LSP1: variants seen among roughly 807,000 people sequenced by gnomAD.
LSP1 encodes the protein lymphocyte-specific protein 1.
A neutral mutation model predicts 49.3 loss-of-function variants in LSP1; 32 were observed. That is an observed-to-expected ratio of 0.65 (90% CI 0.49 to 0.87). LSP1 has a LOEUF of 0.87. Ranked by LOEUF, LSP1 falls within the 40% of genes least tolerant of loss-of-function variation. LSP1 has a pLI of 0.00. For synonymous variants in LSP1, 179 were observed against 178.8 expected, an observed-to-expected ratio of 1.00 and a Z score of -0.01; for missense variants, 428 against 442.6, an observed-to-expected ratio of 0.97 and a Z score of 0.30.
chr11:1,877,682 C>T (rs911741616), intron 1 of LSP1, among the ~76,000 whole-genome samples: 1 of 152,234 alleles, frequency 6.6e-6, no homozygotes, highest in African/African-American at 2.4e-5. Flanking sequence ...TGCACACGCA[C>T]GTGGATGTCA....
rs960559296 is a variant in LSP1, at chr11:1,876,395, T to A, written c.54-3692T>A. 1.6e-5 allele frequency: 15 copies of A among 947,354 alleles called. No homozygotes were observed. In the African/African-American group the frequency reaches 2.7e-4, roughly 17 times the overall value. 58.7% of individuals were successfully genotyped at this position (947,354 alleles called of 1,614,324 possible). ...CAGGCCTCCTGCCAGCTCCCTGTGG[T>A]GTCCAAGGGACCTGTGGTCAGGCCT... On this transcript the variant is annotated intron_variant, in intron 1 of 10. Coordinates refer to ENST00000311604, the MANE Select transcript of LSP1 (RefSeq NM_002339.3).
At chr11:1,883,674 C>A in intron 4 of LSP1, 114 bp downstream of exon 4, 2 of 1,320,692 alleles carry the variant, frequency 1.5e-6, no homozygotes, top group African/African-American at 1.5e-5. Flanking sequence ...TGGGTCAGCA[C>A]CCCACACCCC....
chr11:1,868,673 G>T, intron 1 of LSP1: 1 of 985,806 alleles, frequency 1.0e-6, no homozygotes, highest in Non-Finnish European at 1.2e-6. Flanking sequence ...CGCCCTGGCA[G>T]GGCTGGAAGT....
At chr11:1,890,651 T>G in intron 10 of LSP1, 1 of 658,662 alleles carries the variant, frequency 1.5e-6, no homozygotes, top group Admixed American at 2.1e-5. Context: ...GTGGGAGGCC[T>G]GTGTCTCCTG....
At chr11:1,859,527 G>A (rs1847569686) in intron 1 of LSP1, 1 of 154,454 alleles carries the variant, frequency 6.5e-6, no homozygotes, top group African/African-American at 2.4e-5. Context: ...CCTGTCCCAG[G>A]TACCTCCCCT....
At chr11:1,857,830 C>G (rs1847527886) in intron 1 of LSP1, among the ~76,000 whole-genome samples, 1 of 152,196 alleles carries the variant, frequency 6.6e-6, no homozygotes, top group African/African-American at 2.4e-5. Flanking sequence ...TCTCGGCTCA[C>G]TGGAACCTCC....
At chr11:1,876,149 G>A (rs1248091086) in intron 1 of LSP1, among the ~76,000 whole-genome samples, 1 of 152,224 alleles carries the variant, frequency 6.6e-6, no homozygotes, top group African/African-American at 2.4e-5. Flanking sequence ...GGGGAGCGGG[G>A]TTGCTGTCCC....
At chr11:1,856,200 A>G (rs1261260011) in intron 1 of LSP1, among the ~76,000 whole-genome samples, 1 of 152,102 alleles carries the variant, frequency 6.6e-6, no homozygotes, top group Non-Finnish European at 1.5e-5. Context: ...CCCCATCAGG[A>G]TGACCCTACC....
At chr11:1,867,082 G>A (rs182038387) in intron 1 of LSP1, among the ~76,000 whole-genome samples, 1 of 152,274 alleles carries the variant, frequency 6.6e-6, no homozygotes, top group East Asian at 1.9e-4. Context: ...CTCGGGGCCA[G>A]TCCCTGTGGA....
chr11:1,867,630 G>T (rs562643437), intron 1 of LSP1, among the ~76,000 whole-genome samples: 54 of 152,224 alleles, frequency 3.5e-4, no homozygotes, highest in Non-Finnish European at 5.9e-4. Flanking sequence ...CCTTTCCCGG[G>T]GACCCCTTGG....
chr11:1,889,215 C>A, intron 10 of LSP1: 2 of 675,000 alleles, frequency 3.0e-6, no homozygotes, highest in Admixed American at 2.2e-5. Flanking sequence ...CAGGATGGAG[C>A]GGACTGTGGG....
chr11:1,881,638 CT>C (rs1166608573), intron 3 of LSP1, 42 bp downstream of exon 3: 2 of 1,414,866 alleles, frequency 1.4e-6, no homozygotes, highest in African/African-American at 3.1e-5. Context: ...CAGAGCAGGG[CT>C]CCCTCTGGAC....
intron 1 of LSP1, among the ~76,000 whole-genome samples, chr11:1,861,136 T>A (rs1365675487): frequency 6.6e-6 from 1 of 152,238 alleles, no homozygotes; most frequent in Non-Finnish European, 1.5e-5. Flanking sequence ...ATTTCTCTCA[T>A]CTCTTTTCAA....
chr11:1,889,212 G>C (rs1848879500), intron 10 of LSP1: 3 of 676,488 alleles, frequency 4.4e-6, no homozygotes, highest in South Asian at 3.2e-5. Context: ...CTCCAGGATG[G>C]AGCGGACTGT....
intron 1 of LSP1, chr11:1,864,056 AGGAGGGGAGAGGAAG>A (rs772055753): frequency 6.8e-4 from 130 of 190,296 alleles, no homozygotes; most frequent in Non-Finnish European, 8.0e-4. Context: ...GGGAGAGGGG[AGGAGGGGAGAGGAAG>A]GGAGGGGAGG....
At chr11:1,888,885 G>C (rs74047636) in intron 10 of LSP1, 4 of 408,672 alleles carry the variant, frequency 9.8e-6, no homozygotes, top group Admixed American at 4.0e-5. Context: ...ACATCCCGAC[G>C]CAGACCCCTT....
chr11:1,869,272 G>A (rs745847290), intron 1 of LSP1: 67 of 236,350 alleles, frequency 2.8e-4, no homozygotes, highest in Admixed American at 2.4e-3. Flanking sequence ...GATGCTGGGA[G>A]GGGGGCAACC....
chr11:1,870,168 C>A (rs926762074), intron 1 of LSP1: 1 of 780,406 alleles, frequency 1.3e-6, no homozygotes, highest in Non-Finnish European at 2.0e-6. Flanking sequence ...GGACCAAGGC[C>A]GGTCCACTTG....
intron 10 of LSP1, chr11:1,888,847 A>C: frequency 3.0e-6 from 1 of 336,816 alleles, no homozygotes. Flanking sequence ...CATCTTACCT[A>C]AAGTTTTCAT....
Sources: allele counts gnomAD v4.1 joint callset (sites outside exome capture counted in the v4.1 genomes callset), GRCh38; gene constraint gnomAD v4.1.1; transcripts MANE v1.5; gene names NCBI Gene and HGNC (gene_info 2026-07-23, HGNC 2026-07-21).